Variants in BRAF observed in about 807,000 individuals in gnomAD.
BRAF encodes B-Raf proto-oncogene, serine/threonine kinase.
A neutral mutation model predicts 104.6 loss-of-function variants in BRAF; 16 were observed. The ratio of observed to expected loss-of-function variants is 0.15; its 90% CI spans 0.10 to 0.23. The LOEUF (loss-of-function observed/expected upper bound fraction) is 0.23, where lower values mean the gene tolerates loss of function less well. Among genes scored for constraint, BRAF ranks in the 10% least tolerant of loss-of-function variants. BRAF has a pLI of 1.00. For synonymous variants in BRAF, 310 were observed against 341.6 expected (o/e 0.91, Z 1.02); for missense variants, 541 against 937.3 (o/e 0.58, Z 5.52).
chr7:140,841,708 A>G (rs1176733442), intron 2 of BRAF, among the ~76,000 whole-genome samples: 1 of 152,196 alleles, frequency 6.6e-6, no homozygotes, highest in African/African-American at 2.4e-5. Context: ...CAAAAAGTAG[A>G]TCAGTGGTTG....
chr7:140,870,806 AT>A (rs1164160568), intron 1 of BRAF, among the ~76,000 whole-genome samples: 3 of 151,120 alleles, frequency 2.0e-5, no homozygotes, highest in Non-Finnish European at 4.4e-5. Flanking sequence ...TTCTTCAAGA[AT>A]TTTTTTTCTT....
chr7:140,821,376 T>C lies in BRAF; in HGVS notation c.505-12381A>G, dbSNP rs1216982001. On this transcript the variant is annotated intron_variant, in intron 3 of 19. Coordinates refer to ENST00000644969, the MANE Select transcript of BRAF (RefSeq NM_001374258.1). The stretch of plus-strand genomic sequence containing the variant: ...GTGCAGTGGTGGGATCTCAGCTCAT[T>C]GCAACCTGTGCCTCCCAGGGTCAAG... Among the ~76,000 whole-genome samples, 8 of 150,258 alleles carry C rather than the reference T, an allele frequency of 5.3e-5. No homozygotes were observed. In the East Asian group the frequency reaches 1.4e-3, roughly 26 times the overall value.
chr7:140,887,206 T>C (rs1188044016), intron 1 of BRAF, among the ~76,000 whole-genome samples: 1 of 152,140 alleles, frequency 6.6e-6, no homozygotes, highest in Non-Finnish European at 1.5e-5. Context: ...ACTCCACAAG[T>C]AAATCAACAC....
intron 14 of BRAF, among the ~76,000 whole-genome samples, chr7:140,771,667 G>A (rs1167472980): frequency 6.6e-6 from 1 of 152,146 alleles, no homozygotes; most frequent in African/African-American, 2.4e-5. Flanking sequence ...TGAAATAAAG[G>A]CTTTGCAAAA....
At chr7:140,845,698 A>T (rs1200446720) in intron 2 of BRAF, among the ~76,000 whole-genome samples, 1 of 152,126 alleles carries the variant, frequency 6.6e-6, no homozygotes, top group Non-Finnish European at 1.5e-5. Flanking sequence ...GTTTTGTTTG[A>T]GACGGAGTCT....
At chr7:140,890,291 T>C (rs1814075529) in intron 1 of BRAF, among the ~76,000 whole-genome samples, 1 of 152,240 alleles carries the variant, frequency 6.6e-6, no homozygotes, top group South Asian at 2.1e-4. Context: ...ATTATTACTA[T>C]AAAACTTTTT....
chr7:140,905,573 G>A (rs988895478), intron 1 of BRAF, among the ~76,000 whole-genome samples: 1 of 152,120 alleles, frequency 6.6e-6, no homozygotes, highest in African/African-American at 2.4e-5. Flanking sequence ...TGGAAATTCA[G>A]TGTAACAATC....
intron 19 of BRAF, chr7:140,732,737 T>C (rs1562930075): frequency 6.6e-6 from 1 of 152,034 alleles, no homozygotes; most frequent in African/African-American, 2.4e-5. Context: ...GAGTGAACAA[T>C]GAAAGGAAGA....
At chr7:140,754,489 C>A (rs1273115972) in intron 14 of BRAF, among the ~76,000 whole-genome samples, 1 of 151,970 alleles carries the variant, frequency 6.6e-6, no homozygotes, top group East Asian at 1.9e-4. Context: ...TACTAGTTAC[C>A]AATACAAACC....
intron 5 of BRAF, among the ~76,000 whole-genome samples, chr7:140,807,482 T>C (rs2129047678): frequency 6.7e-6 from 1 of 149,340 alleles, no homozygotes; most frequent in South Asian, 2.1e-4. Context: ...TAAAAAAAAA[T>C]AAGGCAAAGA....
Position 140,720,950 on chromosome 7 carries a change from C to T in BRAF, c.*5544G>A, listed in dbSNP as rs1016714565. 1 of 1,065,296 alleles carries T rather than the reference C, an allele frequency of 9.4e-7. No homozygotes were observed. Among genetic ancestry groups the T allele is most frequent in the African/African-American group, 1.6e-5 (1 of 61,070 alleles). The allele number at this position is 1,065,296 out of a possible 1,614,324, so 66.0% of individuals were successfully genotyped here. On this transcript the variant is annotated 3_prime_UTR_variant, in exon 20 of 20. Transcript: ENST00000644969. ...TGTGCTGTACATGAGAACCAGCGGT[C>T]ACGGTGCTGGAGAATGAACTCGGCT...
intron 5 of BRAF, among the ~76,000 whole-genome samples, chr7:140,804,922 C>G (rs1328365348): frequency 2.0e-5 from 3 of 152,228 alleles, no homozygotes; most frequent in African/African-American, 7.2e-5. Flanking sequence ...CCTCCCACCT[C>G]AGGCTGAATA....
intron 1 of BRAF, among the ~76,000 whole-genome samples, chr7:140,884,427 A>ATGTGTGTGTGTGTG (rs1491354147): frequency 2.4e-4 from 28 of 114,662 alleles, no homozygotes; most frequent in South Asian, 1.0e-3. Context: ...TATATATAAG[A>ATGTGTGTGTGTGTG]TATGTGTGTG....
intron 1 of BRAF, among the ~76,000 whole-genome samples, chr7:140,891,657 G>A (rs1017587464): frequency 2.0e-5 from 3 of 151,920 alleles, no homozygotes; most frequent in East Asian, 1.9e-4. Flanking sequence ...TGTGTTCCTC[G>A]ATTTGAGGGC....
At chr7:140,757,576 C>A (rs529586049) in intron 14 of BRAF, among the ~76,000 whole-genome samples, 20 of 152,322 alleles carry the variant, frequency 1.3e-4, no homozygotes, top group African/African-American at 4.8e-4. Flanking sequence ...GCGTGAGCCA[C>A]CACGCCCAGC....
At chr7:140,871,244 A>G (rs1811560618) in intron 1 of BRAF, among the ~76,000 whole-genome samples, 1 of 150,346 alleles carries the variant, frequency 6.7e-6, no homozygotes, top group Admixed American at 6.6e-5. Context: ...CGTCTCAAAA[A>G]AAAAAAAAAA....
chr7:140,816,565 C>T (rs1429276430), intron 3 of BRAF, among the ~76,000 whole-genome samples: 4 of 152,054 alleles, frequency 2.6e-5, no homozygotes, highest in Non-Finnish European at 4.4e-5. Flanking sequence ...TCAGTATTGC[C>T]CTATCTTTTC....
chr7:140,729,530 C>G (rs1056504895), intron 19 of BRAF, among the ~76,000 whole-genome samples: 2 of 151,986 alleles, frequency 1.3e-5, no homozygotes, highest in Non-Finnish European at 2.9e-5. Flanking sequence ...GCCTGTAATC[C>G]CAGCACTTTG....
chr7:140,901,526 T>G (rs1190013565), intron 1 of BRAF, among the ~76,000 whole-genome samples: 1 of 152,188 alleles, frequency 6.6e-6, no homozygotes, highest in Non-Finnish European at 1.5e-5. Flanking sequence ...GGTTGTTAGG[T>G]TCCATAGAAA....
Sources: gnomAD v4.1 joint callset for allele counts (sites outside exome capture counted in the v4.1 genomes callset) on GRCh38, gnomAD v4.1.1 for gene constraint, MANE v1.5 for transcripts, NCBI Gene and HGNC (gene_info 2026-07-23, HGNC 2026-07-21) for gene names.